The following EXTL2 variants were observed in gnomAD, a reference collection of about 807,000 sequenced individuals.
EXTL2 encodes exostosin like glycosyltransferase 2.
A neutral mutation model predicts 30.7 loss-of-function variants in EXTL2; 23 were observed. The observed-to-expected ratio is 0.75, with a 90% confidence interval of 0.54 to 1.06. The LOEUF (loss-of-function observed/expected upper bound fraction) is 1.06. EXTL2 is among the 50% of genes least tolerant of loss of function. The pLI, the probability that EXTL2 is intolerant of heterozygous loss-of-function variation, is 0.00. For synonymous variants in EXTL2, 123 were observed against 133.8 expected (o/e 0.92, Z 0.56); for missense variants, 352 against 396.3 (o/e 0.89, Z 0.95).
At position 100,878,942 on chromosome 1, in the gene EXTL2, G is replaced by C. The variant is rs189577983; in HGVS notation, c.6-1039C>G. Among the ~76,000 whole-genome samples, 13 of 152,038 alleles carry C rather than the reference G, an allele frequency of 8.6e-5. No individual in the cohort carries two copies. The East Asian group carries it at 2.3e-3, about 27-fold the overall frequency. Reference sequence around the variant, plus strand: ...GATCTCTCACAGTACAAATCACAAGGTATTATTATCAGCTATGTACTCTCC... The same window carrying C: ...GATCTCTCACAGTACAAATCACAAGCTATTATTATCAGCTATGTACTCTCC... On this transcript the variant is annotated intron_variant, in intron 2 of 4. Transcript: ENST00000370114.
intron 2 of EXTL2, among the ~76,000 whole-genome samples, chr1:100,885,217 A>AT (rs1038758215): frequency 4.6e-5 from 7 of 152,084 alleles, no homozygotes; most frequent in East Asian, 1.9e-4. Context: ...CAGATCTCTG[A>AT]TTTTTTTTCA....
In EXTL2 at chr1:100,884,017, A is replaced by C. The variant is rs79179613; in HGVS notation, c.5+4736T>G. On this transcript the variant is annotated intron_variant, in intron 2 of 4. Transcript: ENST00000370114. ...ACTACATAATCTATCAAAGTTCCCT[A>C]GAAGAAACACCGTTGAAGGATTCTT... Among the ~76,000 whole-genome samples the C allele has an allele frequency of 2.2e-3, 335 of 152,366 alleles. 4 individuals carry two copies. Among genetic ancestry groups the C allele is most frequent in the African/African-American group, 7.8e-3 (325 of 41,586 alleles).
intron 2 of EXTL2, chr1:100,888,547 G>T: frequency 2.7e-6 from 1 of 372,754 alleles, no homozygotes; most frequent in East Asian, 3.7e-5. Context: ...CCAGGGGCTG[G>T]GAGTAGGAAG....
At position 100,888,785 on chromosome 1, in the gene EXTL2, C is replaced by G; in HGVS notation, c.-28G>C. ...TGTTGAAGTTTAATTTTTAAAAAAT[C>G]TCCTTATAGCTTCAGTAATTGACAG... On this transcript the variant is annotated 5_prime_UTR_variant, in exon 2 of 5. Coordinates refer to ENST00000370114, the MANE Select transcript of EXTL2 (RefSeq NM_001033025.3). 1 of 1,550,110 alleles carries G rather than the reference C, an allele frequency of 6.5e-7. No individual in the cohort carries two copies. The highest frequency in any genetic ancestry group is 8.8e-7 in the Non-Finnish European group (1 of 1,135,126).
In EXTL2 at chr1:100,874,998, C is replaced by T. The variant is rs115338199; in HGVS notation, c.505-568G>A. ...GAGATAATATAAATAAATGTTTATACTTATCTATATAACATAAATGTTTAT... is the reference window on the plus strand; with the variant it reads ...GAGATAATATAAATAAATGTTTATATTTATCTATATAACATAAATGTTTAT... On this transcript the variant is annotated intron_variant, in intron 4 of 4. Transcript: ENST00000370114. Among the ~76,000 whole-genome samples the T allele has an allele frequency of 6.5e-3, 987 of 151,820 alleles. 16 individuals are homozygous for T. Among genetic ancestry groups the T allele is most frequent in the African/African-American group, 0.021 (859 of 41,404 alleles).
At chr1:100,884,931 T>C (rs1649846020) in intron 2 of EXTL2, among the ~76,000 whole-genome samples, 1 of 152,220 alleles carries the variant, frequency 6.6e-6, no homozygotes, top group Non-Finnish European at 1.5e-5. Flanking sequence ...CACATCACTA[T>C]AGTTGAATTA....
chr1:100,889,718 C>T (rs1480087507), intron 1 of EXTL2, among the ~76,000 whole-genome samples: 2 of 152,184 alleles, frequency 1.3e-5, no homozygotes, highest in Non-Finnish European at 2.9e-5. Context: ...GTGGGGCGGT[C>T]ATTAAATCTT....
At chr1:100,882,640 A>G (rs977194864) in intron 2 of EXTL2, among the ~76,000 whole-genome samples, 3 of 152,208 alleles carry the variant, frequency 2.0e-5, no homozygotes, top group Non-Finnish European at 4.4e-5. Context: ...GGGCAATGTC[A>G]TGAGACCCCA....
At chr1:100,884,367 C>A (rs935927502) in intron 2 of EXTL2, among the ~76,000 whole-genome samples, 8 of 152,166 alleles carry the variant, frequency 5.3e-5, no homozygotes, top group African/African-American at 1.7e-4. Context: ...GAAAAGGGGC[C>A]TCAGCTGCCA....
At chr1:100,889,372 G>T (rs1052793980) in intron 1 of EXTL2, among the ~76,000 whole-genome samples, 7 of 152,166 alleles carry the variant, frequency 4.6e-5, no homozygotes, top group Admixed American at 1.3e-4. Flanking sequence ...TGGGGATTAT[G>T]GGGATTACAA....
At chr1:100,883,552 C>A (rs1320657642) in intron 2 of EXTL2, among the ~76,000 whole-genome samples, 2 of 152,094 alleles carry the variant, frequency 1.3e-5, no homozygotes, top group Non-Finnish European at 2.9e-5. Flanking sequence ...TTCATCCATG[C>A]TGTATATATC....
Position 100,877,864 on chromosome 1 carries a change from C to T in EXTL2, c.45G>A (p.Gly15=). The T allele has an allele frequency of 6.3e-7, 1 of 1,599,412 alleles. No homozygotes were observed. The highest frequency in any genetic ancestry group is 2.2e-5 in the East Asian group (1 of 44,836). ...CCAAAGATAATCGAAGCACTCGAAT[C>T]CCCATTACTCTCCCAGGAAGTTTGC... ...HICKLPGRVM[G]IRVLRLSLVV... The change falls in exon 3 of 5, where the codon GGG becomes GGA. Residue 15 remains glycine, a synonymous_variant. Coordinates refer to ENST00000370114, the MANE Select transcript of EXTL2 (RefSeq NM_001033025.3). This position sits in a 1 kb window ranked among gnomAD's most constrained non-coding sequence, Gnocchi z 4.1.
chr1:100,893,138 G>A (rs1650565680), intron 1 of EXTL2, among the ~76,000 whole-genome samples: 1 of 152,140 alleles, frequency 6.6e-6, no homozygotes, highest in African/African-American at 2.4e-5. Flanking sequence ...ATATTTAAAA[G>A]TTCAGGGTAG....
At chr1:100,876,566 C>T (rs1241314580) in intron 4 of EXTL2, among the ~76,000 whole-genome samples, 1 of 151,980 alleles carries the variant, frequency 6.6e-6, no homozygotes, top group East Asian at 1.9e-4. Flanking sequence ...TAGCTCTTTT[C>T]CCCAATACAC....
intron 2 of EXTL2, among the ~76,000 whole-genome samples, chr1:100,888,132 G>A (rs1183353845): frequency 6.6e-6 from 1 of 152,202 alleles, no homozygotes; most frequent in Non-Finnish European, 1.5e-5. Context: ...CCTAAGAGAG[G>A]TCTCTCAGTA....
chr1:100,878,753 T>C (rs1649327045), intron 2 of EXTL2, among the ~76,000 whole-genome samples: 1 of 152,086 alleles, frequency 6.6e-6, no homozygotes, highest in African/African-American at 2.4e-5. Context: ...CTTACAGAGA[T>C]TACATGCCCT....
In EXTL2 at chr1:100,892,381, GACT is replaced by G. The variant is rs371415308; in HGVS notation, c.-72+2249_-72+2251del. Reference sequence around the variant, plus strand: ...TCGAACATCAGGCTCCAAGTTCTTTGACTGTTAGACTCTTAGACTTACACCAGT... The same window carrying G: ...TCGAACATCAGGCTCCAAGTTCTTTGGTTAGACTCTTAGACTTACACCAGT... On this transcript the variant is annotated intron_variant, in intron 1 of 4. Transcript: ENST00000370114. Among the ~76,000 whole-genome samples the G allele has an allele frequency of 8.5e-5, 13 of 152,252 alleles. No individual in the cohort carries two copies. In the South Asian group the frequency reaches 2.7e-3, roughly 32 times the overall value.
chr1:100,882,010 G>A (rs1649598737), intron 2 of EXTL2, among the ~76,000 whole-genome samples: 2 of 152,170 alleles, frequency 1.3e-5, no homozygotes, highest in South Asian at 4.1e-4. Flanking sequence ...ATTGTGAACT[G>A]TGCATGTGAG....
At chr1:100,875,258 C>G (rs1457903949) in intron 4 of EXTL2, among the ~76,000 whole-genome samples, 1 of 150,600 alleles carries the variant, frequency 6.6e-6, no homozygotes, top group African/African-American at 2.5e-5. Flanking sequence ...CACACACACA[C>G]ACGAGGCTGA....
Sources: gnomAD v4.1 joint callset for allele counts (sites outside exome capture counted in the v4.1 genomes callset) on GRCh38, gnomAD v4.1.1 for gene constraint, Gnocchi (gnomAD v3.1) non-coding constraint, MANE v1.5 for transcripts, NCBI Gene and HGNC (gene_info 2026-07-23, HGNC 2026-07-21) for gene names.